Variants in GADD45A observed in about 807,000 individuals in gnomAD.
The protein encoded by GADD45A is growth arrest and DNA damage-inducible protein GADD45 alpha.
A neutral mutation model predicts 17.7 loss-of-function variants in GADD45A; 9 were observed. The ratio of observed to expected loss-of-function variants is 0.51; its 90% CI spans 0.31 to 0.89. GADD45A has a LOEUF of 0.89. Among genes scored for constraint, GADD45A ranks in the 40% least tolerant of loss-of-function variants. The probability of loss-of-function intolerance (pLI) is 0.05; values close to 1 mark genes in which losing one functional copy is unlikely to be tolerated. For missense variants in GADD45A, 149 were observed against 220.6 expected (o/e 0.68, Z 2.06); for synonymous variants, 95 against 92.2 (o/e 1.03, Z -0.17).
chr1:67,687,320 T>C (rs577907798), intron 3 of GADD45A, among the ~76,000 whole-genome samples: 1 of 152,320 alleles, frequency 6.6e-6, no homozygotes, highest in East Asian at 1.9e-4. Context: ...GAAATCTTTC[T>C]CAAAACTGTT....
chr1:67,686,714 A>C (rs2100646723), intron 3 of GADD45A, 127 bp downstream of exon 3: 2 of 718,698 alleles, frequency 2.8e-6, no homozygotes, highest in East Asian at 5.4e-5. Context: ...GTCCGACTAG[A>C]GTGTGGCTGG....
At position 67,686,543 on chromosome 1, in the gene GADD45A, G is replaced by C. The variant is rs565852148; in HGVS notation, c.340G>C (p.Glu114Gln). ...LETDAGPAASEGAEQPPDLHC... is the reference protein window; with the variant it reads ...LETDAGPAASQGAEQPPDLHC... ...GACCGACGCTGGCCCCGCGGCGAGCGAGGGCGCCGAGCAGCCCCCGGACCT... is the reference window on the plus strand; with the variant it reads ...GACCGACGCTGGCCCCGCGGCGAGCCAGGGCGCCGAGCAGCCCCCGGACCT... The change falls in exon 3 of 4, where the codon GAG becomes CAG. Residue 114 changes from glutamate to glutamine, a missense_variant. Transcript: ENST00000370986. The C allele has an allele frequency of 1.2e-6, 2 of 1,612,212 alleles. No homozygotes were observed. The highest frequency in any genetic ancestry group is 1.7e-6 in the Non-Finnish European group (2 of 1,179,332).
chr1:67,686,730 C>T (rs1315332476), intron 3 of GADD45A, 143 bp downstream of exon 3: 3 of 665,802 alleles, frequency 4.5e-6, no homozygotes, highest in Non-Finnish European at 7.6e-6. Context: ...GCTGGACTTT[C>T]AGCCGAGATG....
In GADD45A at chr1:67,685,499, CTT is replaced by C. The variant is rs750818501; in HGVS notation, c.7_8del (p.Leu3GlyfsTer15). Reference sequence around the variant, plus strand: ...GGGCGACCTGCAGTTTGCAATATGACTTTGGAGGAATTCTCGGCTGGAGAGCA... The same window carrying C: ...GGGCGACCTGCAGTTTGCAATATGACTGGAGGAATTCTCGGCTGGAGAGCA... On this transcript the variant is annotated frameshift_variant, in exon 1 of 4. Coordinates refer to ENST00000370986, the MANE Select transcript of GADD45A (RefSeq NM_001924.4). LOFTEE classifies it high-confidence loss of function. The C allele has an allele frequency of 6.2e-7, 1 of 1,610,688 alleles. No individual in the cohort carries two copies. The highest frequency in any genetic ancestry group is 1.1e-5 in the South Asian group (1 of 90,348).
intron 3 of GADD45A, 21 bp from the exon 4 acceptor site, chr1:67,687,639 AT>A: frequency 7.2e-7 from 1 of 1,386,426 alleles, no homozygotes; most frequent in South Asian, 1.2e-5. Flanking sequence ...AAATAAGTTT[AT>A]TTTTATAAAT....
chr1:67,686,276 G>A, intron 2 of GADD45A, 74 bp from the exon 3 acceptor site: 1 of 1,430,460 alleles, frequency 7.0e-7, no homozygotes, highest in Non-Finnish European at 9.5e-7. Context: ...GCCGGGCGGC[G>A]ACCCCCAGGG....
At position 67,686,135 on chromosome 1, in the gene GADD45A, G is replaced by A. The variant is rs778721408; in HGVS notation, c.146+9G>A. The A allele has an allele frequency of 6.2e-7, 1 of 1,602,470 alleles. No homozygotes were observed. Among genetic ancestry groups the A allele is most frequent in the South Asian group, 1.1e-5 (1 of 90,042 alleles). ...GCCAAGCTGCTCAACGTGTAAGTGGGGCCCTTGCGCGTCCCCCATGGCACC... is the reference window on the plus strand; with the variant it reads ...GCCAAGCTGCTCAACGTGTAAGTGGAGCCCTTGCGCGTCCCCCATGGCACC... On this transcript the variant is annotated intron_variant, in intron 2 of 3. Transcript: ENST00000370986.
chr1:67,685,580 C>G (rs1436968199), intron 1 of GADD45A, 42 bp downstream of exon 1: 1 of 1,577,092 alleles, frequency 6.3e-7, no homozygotes, highest in Non-Finnish European at 8.6e-7. Context: ...ACTTCTCTTA[C>G]CTACCCCGCG....
At position 67,685,478 on chromosome 1, in the gene GADD45A, G is replaced by C. The variant is rs1295113029; in HGVS notation, c.-17G>C. The C allele has an allele frequency of 6.2e-7, 1 of 1,607,250 alleles. No individual in the cohort carries two copies. ...CGCACGCCGCGCTCTCTCCCTGGGCGACCTGCAGTTTGCAATATGACTTTG... is the reference window on the plus strand; with the variant it reads ...CGCACGCCGCGCTCTCTCCCTGGGCCACCTGCAGTTTGCAATATGACTTTG... On this transcript the variant is annotated 5_prime_UTR_variant, in exon 1 of 4. Coordinates refer to ENST00000370986, the MANE Select transcript of GADD45A (RefSeq NM_001924.4).
In GADD45A at chr1:67,687,871, A is replaced by C; in HGVS notation, c.*97A>C. On this transcript the variant is annotated 3_prime_UTR_variant, in exon 4 of 4. Coordinates refer to ENST00000370986, the MANE Select transcript of GADD45A (RefSeq NM_001924.4). ...AGTTACTCCCTACACTGATGCAAGG[A>C]TTACAGAAACTGATGCCAAGGGGCT... is the stretch of plus-strand genomic sequence containing the variant. 1 of 798,436 alleles carries C rather than the reference A, an allele frequency of 1.3e-6. No individual in the cohort carries two copies. The allele number at this position is 798,436 out of a possible 1,614,324, so 49.5% of individuals were successfully genotyped here. A position where few individuals can be genotyped will look rare whatever the true frequency, so the allele number is the denominator to read the frequency against.
intron 3 of GADD45A, among the ~76,000 whole-genome samples, chr1:67,687,098 T>A (rs1419719370): frequency 6.6e-6 from 1 of 151,884 alleles, no homozygotes; most frequent in Non-Finnish European, 1.5e-5. Context: ...TTTTTCCTGA[T>A]AAAAACCTTT....
chr1:67,686,062 A>G lies in GADD45A; in HGVS notation c.82A>G (p.Ser28Gly). Residue 28 changes from serine (S) to glycine (G), a missense_variant, in exon 2 of 4, where the codon AGC (serine) becomes GGC (glycine). Ser to Gly is a moderately conservative substitution (Grantham distance 56). Coordinates refer to ENST00000370986, the MANE Select transcript of GADD45A (RefSeq NM_001924.4). ...GGGGGATGCCCTGGAGGAAGTGCTC[A>G]GCAAAGCCCTGAGTCAGCGCACGAT... is the stretch of plus-strand genomic sequence containing the variant. ...KVGDALEEVL[S>G]KALSQRTITV... The G allele has an allele frequency of 6.2e-7, 1 of 1,608,572 alleles. No homozygotes were observed. The highest frequency in any genetic ancestry group is 8.5e-7 in the Non-Finnish European group (1 of 1,177,944).
Position 67,686,599 on chromosome 1 carries a change from G to T in GADD45A, c.384+12G>T, listed in dbSNP as rs1402234739. 23 of 1,603,738 alleles carry T rather than the reference G, an allele frequency of 1.4e-5. No individual in the cohort carries two copies. Among genetic ancestry groups the T allele is most frequent in the Non-Finnish European group, 2.0e-5 (23 of 1,174,016 alleles). The stretch of plus-strand genomic sequence containing the variant: ...GCGTGCTGGTGACGGTAAGGGACTG[G>T]GGGACTGCAGCCTGCAGGGTAGAGC... On this transcript the variant is annotated intron_variant, in intron 3 of 3. Transcript: ENST00000370986.
At chr1:67,686,759 G>A (rs1315269146) in intron 3 of GADD45A, among the ~76,000 whole-genome samples, 172 bp downstream of exon 3, 1 of 152,210 alleles carries the variant, frequency 6.6e-6, no homozygotes, top group Non-Finnish European at 1.5e-5. Context: ...TCATCACCAG[G>A]ATTTTCTGTG....
chr1:67,687,918 C>T lies in GADD45A; in HGVS notation c.*144C>T. On this transcript the variant is annotated 3_prime_UTR_variant, in exon 4 of 4. Coordinates refer to ENST00000370986, the MANE Select transcript of GADD45A (RefSeq NM_001924.4). ...GGCTGAGTGAGTTCAACTACATGTT[C>T]TGGGGGCCCGGAGATAGATGACTTT... 2 of 540,696 alleles carry T rather than the reference C, an allele frequency of 3.7e-6. No individual in the cohort carries two copies. Among genetic ancestry groups the T allele is most frequent in the Non-Finnish European group, 3.3e-6 (1 of 301,464 alleles). The allele number at this position is 540,696 out of a possible 1,614,324, so 33.5% of individuals were successfully genotyped here.
chr1:67,685,837 G>C, intron 1 of GADD45A, 188 bp from the exon 2 acceptor site: 1 of 594,352 alleles, frequency 1.7e-6, no homozygotes, highest in Non-Finnish European at 3.0e-6. Flanking sequence ...CTCACGGGAC[G>C]CCCGGTCCTT....
chr1:67,686,598 G>T lies in GADD45A; in HGVS notation c.384+11G>T. Reference sequence around the variant, plus strand: ...TGCGTGCTGGTGACGGTAAGGGACTGGGGGACTGCAGCCTGCAGGGTAGAG... The same window carrying T: ...TGCGTGCTGGTGACGGTAAGGGACTTGGGGACTGCAGCCTGCAGGGTAGAG... On this transcript the variant is annotated intron_variant, in intron 3 of 3. Coordinates refer to ENST00000370986, the MANE Select transcript of GADD45A (RefSeq NM_001924.4). 6.2e-7 allele frequency: 1 copy of T among 1,605,222 alleles called. No individual in the cohort carries two copies. The highest frequency in any genetic ancestry group is 8.5e-7 in the Non-Finnish European group (1 of 1,174,910).
chr1:67,687,388 C>A (rs1371657324), intron 3 of GADD45A, among the ~76,000 whole-genome samples: 3 of 152,144 alleles, frequency 2.0e-5, no homozygotes, highest in African/African-American at 7.2e-5. Context: ...TACTCTCATG[C>A]AAAACTGAAC....
At chr1:67,685,724 CCGAA>C in intron 1 of GADD45A, 186 bp downstream of exon 1, 1 of 648,144 alleles carries the variant, frequency 1.5e-6, no homozygotes, top group Non-Finnish European at 2.7e-6. Context: ...GCCCCCCAAC[CCGAA>C]CGAGCCCCGC....
Sources: gnomAD v4.1 joint callset for allele counts (sites outside exome capture counted in the v4.1 genomes callset) on GRCh38, gnomAD v4.1.1 for gene constraint, MANE v1.5 for transcripts, NCBI Gene and HGNC (gene_info 2026-07-23, HGNC 2026-07-21) for gene names.